Variants in KLF15 observed in about 807,000 individuals in gnomAD.
KLF15 encodes KLF transcription factor 15.
In KLF15, 4 loss-of-function variants were observed where a neutral mutation model predicts 24.6. That is an observed-to-expected ratio of 0.16 (90% CI 0.08 to 0.37). The LOEUF is 0.37. KLF15 is among the 10% of genes least tolerant of loss of function. The pLI is 1.00. For synonymous variants in KLF15, 246 were observed against 236.3 expected (o/e 1.04, Z -0.37); for missense variants, 496 against 560.6 (o/e 0.88, Z 1.16).
chr3:126,331,676 C>T, the KLF15 span, among the ~76,000 whole-genome samples: 11 of 152,158 alleles, frequency 7.2e-5, no homozygotes, highest in South Asian at 2.1e-4. Flanking sequence ...ACGCAGAAGA[C>T]GGGTGATTTC....
At chr3:126,354,060 C>G (rs2082611460) in intron 1 of KLF15, 1 of 152,340 alleles carries the variant, frequency 6.6e-6, no homozygotes, top group Non-Finnish European at 1.5e-5. Context: ...AGACAGTGCA[C>G]TCCATGTCTC....
the KLF15 span, among the ~76,000 whole-genome samples, chr3:126,323,738 G>C: frequency 8.1e-6 from 1 of 123,166 alleles, no homozygotes; most frequent in Non-Finnish European, 1.6e-5. Flanking sequence ...CCACTTATGA[G>C]TGAGAACATC....
At chr3:126,326,228 T>G in the KLF15 span, among the ~76,000 whole-genome samples, 1 of 127,666 alleles carries the variant, frequency 7.8e-6, no homozygotes, top group Non-Finnish European at 1.6e-5. Context: ...GTAGTATAGT[T>G]TGAAGTCAGG....
chr3:126,299,994 G>T, the KLF15 span, among the ~76,000 whole-genome samples: 4 of 152,120 alleles, frequency 2.6e-5, no homozygotes, highest in Admixed American at 1.3e-4. Flanking sequence ...ACTCATATGG[G>T]GTGTACGTGC....
the KLF15 span, among the ~76,000 whole-genome samples, chr3:126,296,939 T>C: frequency 4.5e-4 from 69 of 152,300 alleles, no homozygotes; most frequent in Middle Eastern, 3.4e-3. Flanking sequence ...CTTTCTTTTT[T>C]TCGTTTGTTT....
chr3:126,316,629 CTGGGAGTGCATGGGCCAGAGTAGGGA>C, the KLF15 span, among the ~76,000 whole-genome samples: 4 of 121,802 alleles, frequency 3.3e-5, no homozygotes, highest in African/African-American at 1.3e-4. Flanking sequence ...CAGAGTGGGG[CTGGGAGTGCATGGGCCAGAGTAGGGA>C]AGGGAGTGCA....
chr3:126,297,755 AT>A, the KLF15 span, among the ~76,000 whole-genome samples: 2 of 152,070 alleles, frequency 1.3e-5, no homozygotes, highest in Admixed American at 6.6e-5. Context: ...CTCCAGCTCC[AT>A]TTAAGTTGCT....
intron 2 of KLF15, among the ~76,000 whole-genome samples, chr3:126,345,022 TG>T (rs760142453): frequency 6.6e-6 from 1 of 152,056 alleles, no homozygotes; most frequent in Admixed American, 6.5e-5. Context: ...TCCCGCTCTG[TG>T]CTCCACCTGC....
At chr3:126,344,885 G>A (rs2082519744) in intron 2 of KLF15, among the ~76,000 whole-genome samples, 1 of 152,220 alleles carries the variant, frequency 6.6e-6, no homozygotes, top group African/African-American at 2.4e-5. Context: ...TCATGTGACA[G>A]TCAAGAGCCC....
chr3:126,310,147 A>G, the KLF15 span, among the ~76,000 whole-genome samples: 1 of 152,232 alleles, frequency 6.6e-6, no homozygotes. Context: ...GGGGGCACAG[A>G]TCCCCTCCCA....
At position 126,351,958 on chromosome 3, in the gene KLF15, T is replaced by C. The variant is rs760542349; in HGVS notation, c.965A>G (p.Lys322Arg). The change falls in exon 2 of 3, where the codon AAA becomes AGA. Residue 322 changes from lysine (K) to arginine (R), a missense_variant. Lys to Arg is a conservative substitution (Grantham distance 26, BLOSUM62 2). This residue lies in a region of KLF15 where 399 missense variants were observed against 423.1 expected (regional missense o/e 0.94). Transcript: ENST00000296233. ...NPAAELIKMH[K>R]CTFPGCSKMY... is the part of the protein sequence containing the mutation. Reference sequence around the variant, plus strand: ...CTTGCTGCAGCCAGGGAAAGTACATTTGTGCATTTTGATGAGTTCTGCGGC... The same window carrying C: ...CTTGCTGCAGCCAGGGAAAGTACATCTGTGCATTTTGATGAGTTCTGCGGC... 30 of 1,610,854 alleles carry C rather than the reference T, an allele frequency of 1.9e-5. No individual in the cohort carries two copies. The Admixed American group carries it at 4.5e-4, about 24-fold the overall frequency.
the KLF15 span, among the ~76,000 whole-genome samples, chr3:126,316,211 T>G: frequency 2.8e-5 from 4 of 141,790 alleles, no homozygotes; most frequent in African/African-American, 8.0e-5. Context: ...ACGGGCGGAG[T>G]GGGGAAGGGA....
the KLF15 span, among the ~76,000 whole-genome samples, chr3:126,321,830 G>A: frequency 6.6e-6 from 1 of 152,192 alleles, no homozygotes; most frequent in Non-Finnish European, 1.5e-5. Flanking sequence ...GCTCCGGGGT[G>A]GCACTGCTGC....
intron 2 of KLF15, among the ~76,000 whole-genome samples, chr3:126,349,703 C>G (rs1395133357): frequency 6.6e-6 from 1 of 152,168 alleles, no homozygotes; most frequent in Non-Finnish European, 1.5e-5. Context: ...TCTAGAGGAG[C>G]TACTTGCCAA....
chr3:126,313,126 G>T, the KLF15 span, among the ~76,000 whole-genome samples: 1 of 152,166 alleles, frequency 6.6e-6, no homozygotes, highest in African/African-American at 2.4e-5. Flanking sequence ...AATCCAACCT[G>T]ACTGGGGTGC....
intron 1 of KLF15, chr3:126,354,064 A>G (rs1425368049): frequency 6.6e-6 from 1 of 152,216 alleles, no homozygotes; most frequent in Non-Finnish European, 1.5e-5. Flanking sequence ...AGTGCACTCC[A>G]TGTCTCTGCT....
chr3:126,316,767 G>A, the KLF15 span, among the ~76,000 whole-genome samples: 2 of 151,838 alleles, frequency 1.3e-5, no homozygotes, highest in African/African-American at 2.4e-5. Flanking sequence ...GGAAGGGAGT[G>A]CACAGGCAGA....
the KLF15 span, among the ~76,000 whole-genome samples, chr3:126,322,401 T>C: frequency 6.6e-6 from 1 of 152,268 alleles, no homozygotes; most frequent in East Asian, 1.9e-4. Context: ...TTGCCCCCTC[T>C]TCCATCCTCA....
the KLF15 span, among the ~76,000 whole-genome samples, chr3:126,322,770 A>C: frequency 6.6e-6 from 1 of 152,148 alleles, no homozygotes; most frequent in Non-Finnish European, 1.5e-5. Flanking sequence ...TTGCTTGATA[A>C]ATATTTGTTC....
Sources: gnomAD v4.1 joint callset for allele counts (sites outside exome capture counted in the v4.1 genomes callset) on GRCh38, gnomAD v4.1.1 for gene constraint, gnomAD v4.1.1 regional missense constraint, MANE v1.5 for transcripts, NCBI Gene and HGNC (gene_info 2026-07-23, HGNC 2026-07-21) for gene names.